Variants in DOCK4 observed in about 807,000 individuals in gnomAD.
The protein encoded by DOCK4 is dedicator of cytokinesis 4, also known as dedicator of cytokinesis protein 4.
A neutral mutation model predicts 268.1 loss-of-function variants in DOCK4; 97 were observed. The ratio of observed to expected loss-of-function variants is 0.36; its 90% CI spans 0.31 to 0.43. The LOEUF (loss-of-function observed/expected upper bound fraction) is 0.43. Ranked by LOEUF, DOCK4 falls within the 20% of genes least tolerant of loss-of-function variation. DOCK4 has a pLI of 1.00. For synonymous variants in DOCK4, 954 were observed against 887.2 expected, an observed-to-expected ratio of 1.08 and a Z score of -1.34; for missense variants, 2,145 against 2,455.7, an observed-to-expected ratio of 0.87 and a Z score of 2.67.
At chr7:111,752,681 G>A (rs897883414) in intron 42 of DOCK4, among the ~76,000 whole-genome samples, 5 of 141,678 alleles carry the variant, frequency 3.5e-5, no homozygotes, top group East Asian at 4.5e-4. Context: ...CTGCCTCCCC[G>A]GTTCAAGCGA....
intron 1 of DOCK4, among the ~76,000 whole-genome samples, chr7:112,154,718 CA>C: frequency 6.6e-6 from 1 of 152,302 alleles, no homozygotes; most frequent in African/African-American, 2.4e-5. Flanking sequence ...AAAGGGAAGA[CA>C]CTTCATGCAG....
intron 26 of DOCK4, among the ~76,000 whole-genome samples, chr7:111,824,843 G>A (rs915104212): frequency 6.6e-6 from 1 of 152,164 alleles, no homozygotes; most frequent in African/African-American, 2.4e-5. Flanking sequence ...GCCAATGCCT[G>A]TGAACTGACA....
intron 1 of DOCK4, among the ~76,000 whole-genome samples, chr7:112,008,016 A>T (rs1447989271): frequency 1.3e-5 from 2 of 152,196 alleles, no homozygotes; most frequent in Non-Finnish European, 2.9e-5. Context: ...TTTACCAAAG[A>T]TGCCTATACA....
intron 1 of DOCK4, among the ~76,000 whole-genome samples, chr7:112,012,356 A>AT: frequency 6.6e-6 from 1 of 152,342 alleles, no homozygotes; most frequent in African/African-American, 2.4e-5. Context: ...AAAAAAAAAA[A>AT]AATCTTTGGC....
intron 16 of DOCK4, among the ~76,000 whole-genome samples, chr7:111,880,564 A>G (rs2134284581): frequency 6.6e-6 from 1 of 152,328 alleles, no homozygotes; most frequent in East Asian, 1.9e-4. Context: ...GAATAGTATA[A>G]TGCCGTAATT....
chr7:112,182,836 G>A lies in DOCK4; in HGVS notation c.37+23266C>T, dbSNP rs369513590. 3.9e-5 allele frequency among the ~76,000 whole-genome samples: 6 copies of A among 152,344 alleles called. No homozygotes were observed. In the East Asian group the frequency reaches 7.7e-4, roughly 20 times the overall value. On this transcript the variant is annotated intron_variant, in intron 1 of 52. Coordinates refer to ENST00000428084, the MANE Select transcript of DOCK4 (RefSeq NM_001363540.2). Reference sequence around the variant, plus strand: ...GAGACACAGAATACAATGAGAACACGATGGTGGCCTCTGGAGCTGTGCAAC... The same window carrying A: ...GAGACACAGAATACAATGAGAACACAATGGTGGCCTCTGGAGCTGTGCAAC...
In DOCK4 at chr7:111,871,982, G is replaced by T. The variant is rs926569523; in HGVS notation, c.2027+8C>A. On this transcript the variant is annotated splice_region_variant and intron_variant, in intron 20 of 52. Coordinates refer to ENST00000428084, the MANE Select transcript of DOCK4 (RefSeq NM_001363540.2). ...CTTCTAAACTAATTACAAGATACAG[G>T]GCCTTACCTGTATGCAAGTGCCCCA... is the stretch of plus-strand genomic sequence containing the variant. The T allele has an allele frequency of 6.5e-7, 1 of 1,542,082 alleles. No homozygotes were observed.
At chr7:111,926,301 G>A (rs1202012928) in intron 12 of DOCK4, among the ~76,000 whole-genome samples, 2 of 144,798 alleles carry the variant, frequency 1.4e-5, no homozygotes, top group East Asian at 2.0e-4. Flanking sequence ...ATGGTGGCGC[G>A]CCGCCTGTAG....
chr7:112,098,697 T>C (rs1269373553), intron 1 of DOCK4, among the ~76,000 whole-genome samples: 1 of 149,962 alleles, frequency 6.7e-6, no homozygotes, highest in Admixed American at 6.7e-5. Context: ...TGTAAAATTA[T>C]GTGTAATTTT....
chr7:112,157,925 T>C (rs1457540617), intron 1 of DOCK4, among the ~76,000 whole-genome samples: 4 of 152,170 alleles, frequency 2.6e-5, no homozygotes, highest in East Asian at 1.9e-4. Context: ...TCTTTGGCTA[T>C]AGTGGAGAGG....
intron 8 of DOCK4, among the ~76,000 whole-genome samples, chr7:111,963,605 T>A (rs1222563806): frequency 1.1e-4 from 1 of 9,510 alleles, no homozygotes; most frequent in Non-Finnish European, 1.8e-4. Context: ...GAGATCAAAC[T>A]GCAAGGCGGC....
At chr7:111,777,932 C>T (rs1798554879) in intron 36 of DOCK4, among the ~76,000 whole-genome samples, 1 of 152,168 alleles carries the variant, frequency 6.6e-6, no homozygotes, top group Admixed American at 6.6e-5. Flanking sequence ...ATAAATTACC[C>T]AGTCTCAGGT....
chr7:111,924,234 T>C (rs1793403945), intron 12 of DOCK4, among the ~76,000 whole-genome samples: 1 of 152,250 alleles, frequency 6.6e-6, no homozygotes, highest in Non-Finnish European at 1.5e-5. Context: ...CTAATTGTTA[T>C]CATTTTATCA....
At chr7:111,954,193 C>G (rs567449619) in intron 8 of DOCK4, among the ~76,000 whole-genome samples, 2 of 152,190 alleles carry the variant, frequency 1.3e-5, no homozygotes, top group South Asian at 2.1e-4. Context: ...GTGAAGAGAG[C>G]TGTTACTGTG....
chr7:111,974,144 T>C (rs1192273203), intron 8 of DOCK4, among the ~76,000 whole-genome samples: 1 of 152,148 alleles, frequency 6.6e-6, no homozygotes, highest in Non-Finnish European at 1.5e-5. Flanking sequence ...TCTTCAGATC[T>C]GTGCATCCTA....
At chr7:111,737,682 C>T (rs1442419184) in intron 49 of DOCK4, among the ~76,000 whole-genome samples, 1 of 152,156 alleles carries the variant, frequency 6.6e-6, no homozygotes, top group Non-Finnish European at 1.5e-5. Context: ...AGTAGATGTA[C>T]TACGGCAGTG....
At chr7:111,888,376 G>C (rs1392870372) in intron 16 of DOCK4, among the ~76,000 whole-genome samples, 2 of 151,782 alleles carry the variant, frequency 1.3e-5, no homozygotes, top group African/African-American at 4.8e-5. Context: ...GAAGAAAATA[G>C]AGTGGTCTAG....
At chr7:112,131,557 G>A (rs1321574383) in intron 1 of DOCK4, among the ~76,000 whole-genome samples, 1 of 152,054 alleles carries the variant, frequency 6.6e-6, no homozygotes, top group South Asian at 2.1e-4. Flanking sequence ...AATGTTTTTT[G>A]ACTAAATGAA....
chr7:111,971,637 T>A (rs1797722066), intron 8 of DOCK4: 1 of 226,996 alleles, frequency 4.4e-6, no homozygotes, highest in Non-Finnish European at 8.6e-6. Context: ...AGTGGACACA[T>A]CCCCTTTGCC....
Sources: allele counts gnomAD v4.1 joint callset (sites outside exome capture counted in the v4.1 genomes callset), GRCh38; gene constraint gnomAD v4.1.1; transcripts MANE v1.5; gene names NCBI Gene and HGNC (gene_info 2026-07-23, HGNC 2026-07-21).